Variants in IL1RAPL2 observed in about 807,000 individuals in gnomAD.
The protein encoded by IL1RAPL2 is interleukin 1 receptor accessory protein like 2, also known as X-linked interleukin-1 receptor accessory protein-like 2.
A neutral mutation model predicts 44.1 loss-of-function variants in IL1RAPL2; 3 were observed. The observed-to-expected ratio is 0.07, with a 90% confidence interval of 0.03 to 0.18. The LOEUF is 0.18. Among genes scored for constraint, IL1RAPL2 ranks in the 10% least tolerant of loss-of-function variants. The pLI, the probability that IL1RAPL2 is intolerant of heterozygous loss-of-function variation, is 1.00. For synonymous variants in IL1RAPL2, 181 were observed against 178.8 expected, an observed-to-expected ratio of 1.01 and a Z score of -0.10; for missense variants, 391 against 496.4, an observed-to-expected ratio of 0.79 and a Z score of 2.02.
intron 5 of IL1RAPL2, among the ~76,000 whole-genome samples, chrX:105,386,875 C>T (rs2035480036): frequency 9.0e-6 from 1 of 111,461 alleles, no homozygotes; most frequent in Non-Finnish European, 1.9e-5. Context: ...ATTATAGAAT[C>T]TCAAGGAAAG....
chrX:105,663,857 AAAAAG>A (rs200737011), intron 6 of IL1RAPL2, among the ~76,000 whole-genome samples: 1,563 of 111,945 alleles, frequency 0.014, 33 homozygotes, highest in African/African-American at 0.048. Flanking sequence ...GATTATTGTA[AAAAAG>A]AAAAGAAAAG....
In IL1RAPL2 at chrX:105,717,640, G is replaced by A. The variant is rs1750830892; in HGVS notation, c.902+144G>A. On this transcript the variant is annotated intron_variant, in intron 7 of 10. Coordinates refer to ENST00000372582, the MANE Select transcript of IL1RAPL2 (RefSeq NM_017416.2). Reference sequence around the variant, plus strand: ...TGACTGCCTTAAGAAATGCCAATGTGTAAGCTTCTAACATAAGTAGGTCTT... The same window carrying A: ...TGACTGCCTTAAGAAATGCCAATGTATAAGCTTCTAACATAAGTAGGTCTT... 5 of 463,994 alleles carry A rather than the reference G, an allele frequency of 1.1e-5. No homozygotes were observed. The South Asian group carries it at 2.8e-4, about 26-fold the overall frequency. 38.2% of individuals were successfully genotyped at this position (463,994 alleles called of 1,213,427 possible).
At chrX:104,886,700 C>A (rs1481875284) in intron 2 of IL1RAPL2, among the ~76,000 whole-genome samples, 1 of 112,033 alleles carries the variant, frequency 8.9e-6, no homozygotes, top group Admixed American at 9.5e-5. Context: ...ATGCCTTCTT[C>A]TGTATTCCCC....
intron 2 of IL1RAPL2, among the ~76,000 whole-genome samples, chrX:105,100,032 A>C (rs1469364888): frequency 9.0e-6 from 1 of 111,521 alleles, no homozygotes; most frequent in African/African-American, 3.3e-5. Context: ...ACAATAAGAT[A>C]TTTTGAGAGA....
chrX:105,709,915 A>G (rs753598451), intron 6 of IL1RAPL2, among the ~76,000 whole-genome samples: 2 of 111,882 alleles, frequency 1.8e-5, no homozygotes, highest in Non-Finnish European at 3.8e-5. Context: ...TGACACAACT[A>G]TGTAAGTCTT....
intron 3 of IL1RAPL2, among the ~76,000 whole-genome samples, chrX:105,215,585 A>T (rs2033850941): frequency 8.9e-6 from 1 of 112,118 alleles, no homozygotes; most frequent in Non-Finnish European, 1.9e-5. Flanking sequence ...ATAGAAAAAG[A>T]GGGAATCCTC....
At chrX:105,023,938 A>T (rs2031323650) in intron 2 of IL1RAPL2, among the ~76,000 whole-genome samples, 1 of 110,710 alleles carries the variant, frequency 9.0e-6, no homozygotes, top group Non-Finnish European at 1.9e-5. Flanking sequence ...CCTAAAAGTG[A>T]TTTTTTCCAT....
intron 2 of IL1RAPL2, among the ~76,000 whole-genome samples, chrX:104,886,677 C>T (rs762345611): frequency 8.9e-6 from 1 of 112,298 alleles, no homozygotes; most frequent in East Asian, 2.8e-4. Context: ...GTTCACTGTT[C>T]TGGACCTCAA....
chrX:105,410,517 A>G (rs1168786838), intron 5 of IL1RAPL2, among the ~76,000 whole-genome samples: 7 of 111,228 alleles, frequency 6.3e-5, no homozygotes, highest in Non-Finnish European at 1.1e-4. Context: ...ATGTTGATTG[A>G]GAAGAGGATA....
intron 5 of IL1RAPL2, among the ~76,000 whole-genome samples, chrX:105,442,388 C>G (rs946278962): frequency 2.7e-5 from 3 of 111,196 alleles, no homozygotes; most frequent in African/African-American, 9.8e-5. Context: ...TATTACCTAC[C>G]AGGGGTATAA....
chrX:105,195,760 G>T lies in IL1RAPL2; in HGVS notation c.356+12G>T, dbSNP rs781906587. ...ACTTGTGTTTTAAGGTGAGTGTTGT[G>T]TGAAAACATTGCCCAATCACATGGC... On this transcript the variant is annotated intron_variant, in intron 3 of 10. Coordinates refer to ENST00000372582, the MANE Select transcript of IL1RAPL2 (RefSeq NM_017416.2). 22 of 1,207,392 alleles carry T rather than the reference G, an allele frequency of 1.8e-5. No individual in the cohort carries two copies. The highest frequency in any genetic ancestry group is 1.7e-5 in the Non-Finnish European group (15 of 891,780).
At chrX:105,207,105 A>G (rs1556153032) in intron 3 of IL1RAPL2, among the ~76,000 whole-genome samples, 1 of 111,320 alleles carries the variant, frequency 9.0e-6, no homozygotes. Flanking sequence ...TCCTAACTAC[A>G]GTTTTGTTTT....
At chrX:104,931,211 A>G (rs749709559) in intron 2 of IL1RAPL2, among the ~76,000 whole-genome samples, 20 of 110,848 alleles carry the variant, frequency 1.8e-4, no homozygotes, top group Non-Finnish European at 2.5e-4. Context: ...ATGACAGACT[A>G]TCTTGCCAGA....
chrX:104,726,780 A>G (rs1225114340), intron 2 of IL1RAPL2, among the ~76,000 whole-genome samples: 2 of 110,264 alleles, frequency 1.8e-5, no homozygotes, highest in African/African-American at 6.6e-5. Flanking sequence ...GGAGATTTTT[A>G]TACCATTACC....
At chrX:104,929,360 G>A (rs1173308757) in intron 2 of IL1RAPL2, among the ~76,000 whole-genome samples, 4 of 111,525 alleles carry the variant, frequency 3.6e-5, no homozygotes, top group East Asian at 2.8e-4. Context: ...ATCACACTGC[G>A]GGGGACCACT....
intron 6 of IL1RAPL2, among the ~76,000 whole-genome samples, chrX:105,605,491 G>C (rs2037286665): frequency 9.0e-6 from 1 of 111,633 alleles, no homozygotes; most frequent in Non-Finnish European, 1.9e-5. Context: ...CATGGAATTA[G>C]AAGAATCAAT....
chrX:104,639,051 C>T (rs756982997), intron 1 of IL1RAPL2, among the ~76,000 whole-genome samples: 5 of 112,198 alleles, frequency 4.5e-5, no homozygotes, highest in African/African-American at 1.3e-4. Context: ...TAGGTCTATA[C>T]ATGTTCATAA....
chrX:105,402,576 A>G (rs751870359), intron 5 of IL1RAPL2, among the ~76,000 whole-genome samples: 10 of 111,613 alleles, frequency 9.0e-5, no homozygotes, highest in Non-Finnish European at 1.3e-4. Flanking sequence ...GAGAATACAC[A>G]CACTGTCTTT....
intron 6 of IL1RAPL2, among the ~76,000 whole-genome samples, chrX:105,543,421 A>G (rs765294307): frequency 5.3e-5 from 6 of 112,373 alleles, no homozygotes; most frequent in African/African-American, 1.6e-4. Flanking sequence ...TTTTCCCTAT[A>G]CCTCACACAG....
Sources: allele counts gnomAD v4.1 joint callset (sites outside exome capture counted in the v4.1 genomes callset), GRCh38; gene constraint gnomAD v4.1.1; transcripts MANE v1.5; gene names NCBI Gene and HGNC (gene_info 2026-07-23, HGNC 2026-07-21).